REV3L: variants seen among roughly 807,000 people sequenced by gnomAD.
REV3L encodes DNA polymerase zeta catalytic subunit.
A neutral mutation model predicts 299.4 loss-of-function variants in REV3L; 69 were observed. The observed-to-expected ratio is 0.23, with a 90% confidence interval of 0.19 to 0.28. The LOEUF (loss-of-function observed/expected upper bound fraction) is 0.28. Ranked by LOEUF, REV3L falls within the 10% of genes least tolerant of loss-of-function variation. REV3L has a pLI of 1.00. For synonymous variants in REV3L, 1,238 were observed against 1,271.4 expected, an observed-to-expected ratio of 0.97 and a Z score of 0.56; for missense variants, 3,128 against 3,693.8, an observed-to-expected ratio of 0.85 and a Z score of 3.97.
Position 111,379,974 on chromosome 6 carries a change from A to C in REV3L, c.1454+8T>G. On this transcript the variant is annotated splice_region_variant and intron_variant, in intron 11 of 31. Coordinates refer to ENST00000368802, the MANE Select transcript of REV3L (RefSeq NM_001372078.1). ...TTAATAAAACAACTGCAATAACTAA[A>C]AAATTACCTCTTTTTGGCACAATGT... 3 of 1,564,632 alleles carry C rather than the reference A, an allele frequency of 1.9e-6. No individual in the cohort carries two copies. The highest frequency in any genetic ancestry group is 2.6e-6 in the Non-Finnish European group (3 of 1,140,538).
chr6:111,369,714 T>C (rs1287630601), intron 13 of REV3L, among the ~76,000 whole-genome samples: 1 of 152,134 alleles, frequency 6.6e-6, no homozygotes, highest in African/African-American at 2.4e-5. Flanking sequence ...CTAAAAACTA[T>C]ACTTTTTAAA....
chr6:111,335,769 C>A (rs1244281258), intron 21 of REV3L, among the ~76,000 whole-genome samples, 159 bp from the exon 22 acceptor site: 2 of 152,052 alleles, frequency 1.3e-5, no homozygotes, highest in Non-Finnish European at 1.5e-5. Flanking sequence ...AGGAATTAAA[C>A]ATTAGAAAAT....
At chr6:111,340,658 C>A (rs1776387328) in intron 21 of REV3L, among the ~76,000 whole-genome samples, 1 of 151,924 alleles carries the variant, frequency 6.6e-6, no homozygotes, top group African/African-American at 2.4e-5. Flanking sequence ...ACCATACCTA[C>A]CAAAAAAGTA....
chr6:111,300,153 A>G lies in REV3L; in HGVS notation c.9256T>C (p.Cys3086Arg). The change falls in exon 32 of 32, where the codon TGC (cysteine) becomes CGC (arginine). Residue 3086 changes from cysteine (C) to arginine (R), a missense_variant. Physicochemically the swap from Cys to Arg is radical, Grantham distance 180. Coordinates refer to ENST00000368802, the MANE Select transcript of REV3L (RefSeq NM_001372078.1). ...ERQQEQLVKI[C>R]KNCTGCFDRH... ...TCAAAGCAACCTGTACAGTTCTTGC[A>G]TATCTGAAAGCATAAGAGAAATACA... is the stretch of plus-strand genomic sequence containing the variant. 1 of 1,578,848 alleles carries G rather than the reference A, an allele frequency of 6.3e-7. No individual in the cohort carries two copies. The highest frequency in any genetic ancestry group is 8.6e-7 in the Non-Finnish European group (1 of 1,166,620).
intron 13 of REV3L, among the ~76,000 whole-genome samples, chr6:111,369,701 AAACT>A (rs1044830510): frequency 0.012 from 1,883 of 152,272 alleles, 43 homozygotes; most frequent in African/African-American, 0.043. Context: ...AAAACAAAAC[AAACT>A]AAAAACTATA....
At chr6:111,378,005 G>GT (rs952486123) in intron 11 of REV3L, among the ~76,000 whole-genome samples, 162 bp from the exon 12 acceptor site, 1 of 152,124 alleles carries the variant, frequency 6.6e-6, no homozygotes, top group Non-Finnish European at 1.5e-5. Context: ...TCTGAAAATT[G>GT]TAACTTCTAG....
intron 1 of REV3L, among the ~76,000 whole-genome samples, chr6:111,481,313 A>G (rs890050212): frequency 2.0e-5 from 3 of 152,212 alleles, no homozygotes; most frequent in African/African-American, 7.2e-5. Flanking sequence ...CAGCACCACT[A>G]TATTTAAAAG....
intron 1 of REV3L, among the ~76,000 whole-genome samples, chr6:111,422,679 C>CTT (rs1562288175): frequency 4.0e-5 from 1 of 24,948 alleles, no homozygotes; most frequent in Non-Finnish European, 8.3e-5. Flanking sequence ...TATATATATA[C>CTT]GTATATATAT....
In REV3L at chr6:111,483,140, C is replaced by A. The variant is rs920895427; in HGVS notation, c.-252G>T. ...GCTTTCGTCGGTGCTGGTGCTGCCG[C>A]CACTGCCGCCACCGCCGGGAATCAC... On this transcript the variant is annotated 5_prime_UTR_variant, in exon 1 of 32. Transcript: ENST00000368802. The A allele has an allele frequency of 6.1e-6, 3 of 490,290 alleles. No individual in the cohort carries two copies. The South Asian group carries it at 1.1e-4, about 18-fold the overall frequency. 30.4% of individuals were successfully genotyped at this position (490,290 alleles called of 1,614,324 possible). A position where few individuals can be genotyped will look rare whatever the true frequency, so the allele number is the denominator to read the frequency against.
chr6:111,301,680 A>G (rs959130707), intron 31 of REV3L, among the ~76,000 whole-genome samples: 3 of 152,192 alleles, frequency 2.0e-5, no homozygotes, highest in African/African-American at 7.2e-5. Flanking sequence ...GGCTTCCCAG[A>G]TGATTTGGAT....
intron 2 of REV3L, 67 bp downstream of exon 2, chr6:111,416,216 G>A: frequency 7.5e-6 from 8 of 1,060,058 alleles, no homozygotes; most frequent in Non-Finnish European, 1.0e-5. Context: ...TATCAACTGA[G>A]TATGTTTTCC....
intron 3 of REV3L, among the ~76,000 whole-genome samples, chr6:111,408,920 C>T (rs540606871): frequency 6.6e-6 from 1 of 152,020 alleles, no homozygotes; most frequent in East Asian, 1.9e-4. Flanking sequence ...CCTGACCTCA[C>T]GTGATCTACC....
intron 31 of REV3L, among the ~76,000 whole-genome samples, chr6:111,304,142 T>C (rs1771990027): frequency 6.7e-6 from 1 of 148,656 alleles, no homozygotes; most frequent in Admixed American, 6.7e-5. Context: ...ATTTCACTTA[T>C]TTCTGATCAC....
At chr6:111,397,274 T>C (rs1338673531) in intron 4 of REV3L, among the ~76,000 whole-genome samples, 2 of 152,170 alleles carry the variant, frequency 1.3e-5, no homozygotes, top group Admixed American at 6.5e-5. Flanking sequence ...AGTACTGTTT[T>C]TGCTGTATCT....
intron 16 of REV3L, chr6:111,360,849 T>C (rs1778582372): frequency 6.6e-6 from 1 of 151,814 alleles, no homozygotes; most frequent in Admixed American, 6.6e-5. Flanking sequence ...CAAATACAAA[T>C]CTACCACTTT....
intron 21 of REV3L, among the ~76,000 whole-genome samples, chr6:111,341,403 G>C (rs991161626): frequency 6.6e-6 from 1 of 152,128 alleles, no homozygotes; most frequent in East Asian, 1.9e-4. Flanking sequence ...AGTGCTTTCT[G>C]TTACTTCACT....
chr6:111,470,745 C>G (rs918752527), intron 1 of REV3L, among the ~76,000 whole-genome samples: 2 of 152,108 alleles, frequency 1.3e-5, no homozygotes, highest in African/African-American at 4.8e-5. Flanking sequence ...TTTGGGAGGC[C>G]AAGGTGAGCA....
At chr6:111,480,665 A>T (rs1040383783) in intron 1 of REV3L, among the ~76,000 whole-genome samples, 4 of 152,080 alleles carry the variant, frequency 2.6e-5, no homozygotes, top group Non-Finnish European at 5.9e-5. Flanking sequence ...TGGCAAATTC[A>T]ATTTGATAAT....
At chr6:111,331,836 G>A in intron 23 of REV3L, 52 bp from the exon 24 acceptor site, 1 of 1,167,310 alleles carries the variant, frequency 8.6e-7, no homozygotes, top group African/African-American at 1.5e-5. Context: ...ATAGAACAGA[G>A]ATTTTACGCA....
Sources: gnomAD v4.1 joint callset for allele counts (sites outside exome capture counted in the v4.1 genomes callset) on GRCh38, gnomAD v4.1.1 for gene constraint, MANE v1.5 for transcripts, NCBI Gene and HGNC (gene_info 2026-07-23, HGNC 2026-07-21) for gene names.